ALS2: variants seen among roughly 807,000 people sequenced by gnomAD.
The protein encoded by ALS2 is alsin.
In ALS2, 117 loss-of-function variants were observed where a neutral mutation model predicts 203.4. The ratio of observed to expected loss-of-function variants is 0.58; its 90% CI spans 0.50 to 0.67. ALS2 has a LOEUF of 0.67. Ranked by LOEUF, ALS2 falls within the 30% of genes least tolerant of loss-of-function variation. ALS2 has a pLI of 0.00. For synonymous variants in ALS2, 718 were observed against 725.9 expected, an observed-to-expected ratio of 0.99 and a Z score of 0.17; for missense variants, 1,715 against 1,989.4, an observed-to-expected ratio of 0.86 and a Z score of 2.62.
intron 1 of ALS2, among the ~76,000 whole-genome samples, chr2:201,780,541 C>A (rs1005838271): frequency 2.0e-4 from 30 of 152,138 alleles, no homozygotes; most frequent in African/African-American, 5.6e-4. Flanking sequence ...TGGAAGGCAG[C>A]GTGGGTGGAG....
chr2:201,746,685 C>A lies in ALS2; in HGVS notation c.1879G>T (p.Asp627Tyr). 6.2e-7 allele frequency: 1 copy of A among 1,614,112 alleles called. No homozygotes were observed. Among genetic ancestry groups the A allele is most frequent in the Admixed American group, 1.7e-5 (1 of 60,022 alleles). Residue 627 changes from aspartate to tyrosine, a missense_variant, in exon 9 of 34, where the codon GAT becomes TAT. By Grantham distance (160) the Asp-to-Tyr change is radical. This residue lies in a region of ALS2 where 1,227 missense variants were observed against 1,413.5 expected (regional missense o/e 0.87). Coordinates refer to ENST00000264276, the MANE Select transcript of ALS2 (RefSeq NM_020919.4). ...AACCCAGGCTGGAAGTCTTCTGTATCCACTAAAAACAGGGAATAATCCCTG... is the reference window on the plus strand; with the variant it reads ...AACCCAGGCTGGAAGTCTTCTGTATACACTAAAAACAGGGAATAATCCCTG... ...AGRDYSLFLVDTEDFQPGLYY... is the reference protein window; with the variant it reads ...AGRDYSLFLVYTEDFQPGLYY...
Position 201,704,348 on chromosome 2 carries a change from A to G in ALS2, c.4838+106T>C, listed in dbSNP as rs576039799. ...ATGTCACAGTGGAATGGGTTAATCG[A>G]TTTTTTTCTAGTGGAAGAGCGTACT... On this transcript the variant is annotated intron_variant, in intron 32 of 33. Transcript: ENST00000264276. 5.9e-6 allele frequency: 9 copies of G among 1,520,744 alleles called. No homozygotes were observed. In the East Asian group the frequency reaches 1.6e-4, roughly 27 times the overall value. 94.2% of individuals were successfully genotyped at this position (1,520,744 alleles called of 1,614,324 possible). A position where few individuals can be genotyped will look rare whatever the true frequency, so the allele number is the denominator to read the frequency against.
chr2:201,738,398 G>C, intron 12 of ALS2: 1 of 475,350 alleles, frequency 2.1e-6, no homozygotes, highest in South Asian at 2.2e-5. Context: ...GGCCTACTGA[G>C]GTAAAGAGAG....
intron 5 of ALS2, among the ~76,000 whole-genome samples, chr2:201,756,283 CCTT>C (rs1693379549): frequency 6.6e-6 from 1 of 150,990 alleles, no homozygotes; most frequent in African/African-American, 2.4e-5. Context: ...AGATCATAGG[CCTT>C]CTTATACATC....
At chr2:201,741,452 G>C in intron 11 of ALS2, 1 of 517,592 alleles carries the variant, frequency 1.9e-6, no homozygotes, top group East Asian at 3.4e-5. Flanking sequence ...CTAGAATATA[G>C]AAGAAAACAT....
At chr2:201,737,282 T>C (rs1257756672) in intron 12 of ALS2, among the ~76,000 whole-genome samples, 1 of 152,212 alleles carries the variant, frequency 6.6e-6, no homozygotes, top group Non-Finnish European at 1.5e-5. Context: ...TAAGCCATTT[T>C]ATATCAGGGA....
At position 201,728,607 on chromosome 2, in the gene ALS2, A is replaced by G; in HGVS notation, c.2746T>C (p.Cys916Arg). The G allele has an allele frequency of 6.2e-7, 1 of 1,614,144 alleles. No individual in the cohort carries two copies. Among genetic ancestry groups the G allele is most frequent in the Non-Finnish European group, 8.5e-7 (1 of 1,180,010 alleles). ...GACAGGGCTCGGTTACTACTCTCAC[A>G]CAGCAGTCGACGCTCTGGCTTCCTC... ...SLRKPERRLL[C>R]ESSNRALSLQ... Residue 916 changes from cysteine to arginine, a missense_variant, in exon 15 of 34, where the codon TGT becomes CGT. By Grantham distance (180) the Cys-to-Arg change is radical (BLOSUM62 -3). Around this residue, in one of 3 missense-constraint regions of ALS2, gnomAD observed 1,227 missense variants for 1,413.5 expected, o/e 0.87. Coordinates refer to ENST00000264276, the MANE Select transcript of ALS2 (RefSeq NM_020919.4).
chr2:201,772,137 G>C (rs1694419841), intron 1 of ALS2, among the ~76,000 whole-genome samples: 1 of 152,214 alleles, frequency 6.6e-6, no homozygotes, highest in Non-Finnish European at 1.5e-5. Context: ...TTTAAACAAA[G>C]AGCAAACCTT....
intron 33 of ALS2, among the ~76,000 whole-genome samples, chr2:201,703,115 C>CA (rs1432680338): frequency 1.1e-4 from 16 of 150,850 alleles, no homozygotes; most frequent in Middle Eastern, 3.2e-3. Flanking sequence ...GACTCTGTCT[C>CA]AAAAAAAAGA....
chr2:201,769,568 T>C (rs1009396730), intron 1 of ALS2, among the ~76,000 whole-genome samples: 3 of 152,206 alleles, frequency 2.0e-5, no homozygotes. Flanking sequence ...TGTTTTAAAA[T>C]CCACCTTTAA....
chr2:201,705,280 C>T (rs1689634812), intron 30 of ALS2, 80 bp from the exon 31 acceptor site: 1 of 1,485,010 alleles, frequency 6.7e-7, no homozygotes, highest in Non-Finnish European at 9.4e-7. Context: ...TGTCAGAGTG[C>T]AGGTCTTTGG....
chr2:201,765,108 C>T (rs1216642068), intron 3 of ALS2, among the ~76,000 whole-genome samples: 2 of 152,152 alleles, frequency 1.3e-5, no homozygotes, highest in African/African-American at 2.4e-5. Context: ...AGCTATCCTC[C>T]TGCCTCAGCC....
At chr2:201,745,018 C>A (rs576541781) in intron 9 of ALS2, among the ~76,000 whole-genome samples, 1 of 152,290 alleles carries the variant, frequency 6.6e-6, no homozygotes, top group African/African-American at 2.4e-5. Context: ...ATTCACATAT[C>A]CCATTAAATC....
intron 4 of ALS2, chr2:201,760,077 C>G: frequency 2.2e-6 from 2 of 905,322 alleles, no homozygotes; most frequent in Non-Finnish European, 2.6e-6. Flanking sequence ...AATCTCAACA[C>G]TTTGGGAGGC....
At chr2:201,732,399 CAAAAAAAAAA>C (rs11288102) in intron 13 of ALS2, among the ~76,000 whole-genome samples, 17 of 85,152 alleles carry the variant, frequency 2.0e-4, no homozygotes, top group African/African-American at 6.3e-4. Context: ...ACTAAAAATA[CAAAAAAAAAA>C]AAAAAAAAAA....
rs373603368 is a variant in ALS2, at chr2:201,757,440, C to G, written c.1433G>C (p.Gly478Ala). Reference sequence around the variant, plus strand: ...TCCAGGGAGGGAGAGTCTTCGACTGCCTCCCTCTGTTTCTTCTTCTCTGAT... The same window carrying G: ...TCCAGGGAGGGAGAGTCTTCGACTGGCTCCCTCTGTTTCTTCTTCTCTGAT... ...VDIREEETEG[G>A]SRRLSLPGLL... The change falls in exon 5 of 34, where the codon GGC becomes GCC. Residue 478 changes from glycine to alanine, a missense_variant. Physicochemically the swap from Gly to Ala is moderately conservative, Grantham distance 60. Around this residue, in one of 3 missense-constraint regions of ALS2, gnomAD observed 12 missense variants for 36.6 expected, o/e 0.33. Coordinates refer to ENST00000264276, the MANE Select transcript of ALS2 (RefSeq NM_020919.4). 35 of 1,613,722 alleles carry G rather than the reference C, an allele frequency of 2.2e-5. No homozygotes were observed. Among genetic ancestry groups the G allele is most frequent in the Middle Eastern group, 1.6e-4 (1 of 6,082 alleles).
chr2:201,753,267 C>A (rs1242989683), intron 6 of ALS2, 25 bp from the exon 7 acceptor site: 1 of 1,568,318 alleles, frequency 6.4e-7, no homozygotes, highest in South Asian at 1.1e-5. Flanking sequence ...CACAGGCACA[C>A]AAAGTCAAAG....
In ALS2 at chr2:201,701,540, A is replaced by C; in HGVS notation, c.*311T>G. The C allele has an allele frequency of 4.0e-6, 1 of 250,880 alleles. No individual in the cohort carries two copies. The highest frequency in any genetic ancestry group is 7.7e-6 in the Non-Finnish European group (1 of 130,108). 15.5% of individuals were successfully genotyped at this position (250,880 alleles called of 1,614,324 possible). ...TCTTACAACTTCATGTAGCTGACAT[A>C]CCCTTTACTGTAGGAAGGGATATCC... On this transcript the variant is annotated 3_prime_UTR_variant, in exon 34 of 34. Transcript: ENST00000264276.
intron 5 of ALS2, among the ~76,000 whole-genome samples, chr2:201,756,762 GCATACTAATCACCTGGGGGA>G (rs1693425183): frequency 6.6e-6 from 1 of 152,194 alleles, no homozygotes; most frequent in Non-Finnish European, 1.5e-5. Context: ...ACTTTAGTGT[GCATACTAATCACCTGGGGGA>G]CCTTGCTCTA....
Sources: allele counts gnomAD v4.1 joint callset (sites outside exome capture counted in the v4.1 genomes callset), GRCh38; gene constraint gnomAD v4.1.1; regional missense constraint gnomAD v4.1.1; transcripts MANE v1.5; gene names NCBI Gene and HGNC (gene_info 2026-07-23, HGNC 2026-07-21).